KCNQ5: variants seen among roughly 807,000 people sequenced by gnomAD.
KCNQ5 encodes the protein potassium voltage-gated channel subfamily KQT member 5.
KCNQ5 carries 30 observed loss-of-function variants against 98.2 expected under a neutral mutation model. That is an observed-to-expected ratio of 0.31 (90% CI 0.23 to 0.41). The LOEUF is 0.41. KCNQ5 is among the 10% of genes least tolerant of loss of function. The pLI, the probability that KCNQ5 is intolerant of heterozygous loss-of-function variation, is 1.00. For synonymous variants in KCNQ5, 458 were observed against 449.4 expected, an observed-to-expected ratio of 1.02 and a Z score of -0.24; for missense variants, 835 against 1,182.5, an observed-to-expected ratio of 0.71 and a Z score of 4.31.
chr6:72,935,435 T>G (rs1052180374), intron 1 of KCNQ5, among the ~76,000 whole-genome samples: 1 of 152,134 alleles, frequency 6.6e-6, no homozygotes, highest in African/African-American at 2.4e-5. Context: ...ATAATCATGC[T>G]GACTGGTATC....
chr6:72,697,465 A>C (rs1019625448), intron 1 of KCNQ5, among the ~76,000 whole-genome samples: 1 of 152,166 alleles, frequency 6.6e-6, no homozygotes, highest in Non-Finnish European at 1.5e-5. Context: ...TAAACCTTAA[A>C]TTCTAGATTT....
chr6:72,930,676 C>T (rs1004611009), intron 1 of KCNQ5, among the ~76,000 whole-genome samples: 3 of 151,294 alleles, frequency 2.0e-5, no homozygotes, highest in Admixed American at 6.6e-5. Context: ...TGCACTACTG[C>T]GTGATAATGT....
At chr6:73,005,800 T>G (rs72945367) in intron 2 of KCNQ5, among the ~76,000 whole-genome samples, 1 of 152,222 alleles carries the variant, frequency 6.6e-6, no homozygotes. Flanking sequence ...GCTACAGATA[T>G]ATATTCGCAG....
chr6:72,691,672 T>A (rs1188027844), intron 1 of KCNQ5, among the ~76,000 whole-genome samples: 1 of 152,194 alleles, frequency 6.6e-6, no homozygotes, highest in East Asian at 1.9e-4. Context: ...AATCACTTTT[T>A]TGGTAACTGC....
chr6:73,052,339 C>G (rs1228913627), intron 3 of KCNQ5, among the ~76,000 whole-genome samples: 1 of 152,128 alleles, frequency 6.6e-6, no homozygotes, highest in African/African-American at 2.4e-5. Flanking sequence ...CATGAAAATT[C>G]CCCCAACTTC....
chr6:72,661,147 C>T (rs976653461), intron 1 of KCNQ5, among the ~76,000 whole-genome samples: 1 of 151,748 alleles, frequency 6.6e-6, no homozygotes. Flanking sequence ...ATATTTAACC[C>T]TCTTGTCGAG....
At chr6:72,971,299 C>T (rs1001703193) in intron 1 of KCNQ5, among the ~76,000 whole-genome samples, 25 of 152,152 alleles carry the variant, frequency 1.6e-4, no homozygotes, top group African/African-American at 5.8e-4. Context: ...CAATGAGATA[C>T]CATCTCACAC....
chr6:72,981,828 A>C (rs1768472615), intron 1 of KCNQ5, among the ~76,000 whole-genome samples: 2 of 152,142 alleles, frequency 1.3e-5, no homozygotes, highest in African/African-American at 4.8e-5. Context: ...ACACTGCTTT[A>C]AATGTGTCCC....
In KCNQ5 at chr6:73,196,031, T is replaced by G. The variant is rs991966248; in HGVS notation, c.*617T>G. On this transcript the variant is annotated 3_prime_UTR_variant, in exon 14 of 14. Transcript: ENST00000370398. ...GCAATTTTGCACATCATTTTCATGT[T>G]GTTCTTTATGACAAGAATGTTCTTC... 6.5e-6 allele frequency: 1 copy of G among 153,066 alleles called. No homozygotes were observed. Among genetic ancestry groups the G allele is most frequent in the African/African-American group, 2.4e-5 (1 of 41,462 alleles). The allele number at this position is 153,066 out of a possible 1,614,324, so 9.5% of individuals were successfully genotyped here. A position where few individuals can be genotyped will look rare whatever the true frequency, so the allele number is the denominator to read the frequency against.
chr6:73,193,170 G>A (rs928554615), intron 13 of KCNQ5, among the ~76,000 whole-genome samples: 16 of 151,740 alleles, frequency 1.1e-4, no homozygotes, highest in South Asian at 6.3e-4. Flanking sequence ...ACAGGCATGC[G>A]CCACCAAGAC....
chr6:72,973,086 A>G (rs1254110215), intron 1 of KCNQ5, among the ~76,000 whole-genome samples: 2 of 152,224 alleles, frequency 1.3e-5, no homozygotes, highest in African/African-American at 4.8e-5. Context: ...TAACAGAGGA[A>G]AACCATAGCC....
intron 1 of KCNQ5, among the ~76,000 whole-genome samples, chr6:72,855,193 T>A (rs908474086): frequency 6.6e-6 from 1 of 152,074 alleles, no homozygotes; most frequent in Non-Finnish European, 1.5e-5. Flanking sequence ...GTGGACCAAA[T>A]TTTTTTAAAC....
intron 1 of KCNQ5, among the ~76,000 whole-genome samples, chr6:72,726,534 G>C (rs1291967042): frequency 6.6e-6 from 1 of 152,048 alleles, no homozygotes; most frequent in Non-Finnish European, 1.5e-5. Context: ...TTTTAATATT[G>C]CCATATTCTC....
chr6:73,141,092 C>T (rs114380038), intron 10 of KCNQ5, among the ~76,000 whole-genome samples: 392 of 152,274 alleles, frequency 2.6e-3, no homozygotes, highest in African/African-American at 9.0e-3. Flanking sequence ...ACTAGGCAGC[C>T]TATAAACAAC....
chr6:72,866,711 A>G (rs1778002411), intron 1 of KCNQ5, among the ~76,000 whole-genome samples: 1 of 152,210 alleles, frequency 6.6e-6, no homozygotes, highest in South Asian at 2.1e-4. Flanking sequence ...TCCCTGCTAT[A>G]CATCCACATC....
chr6:72,701,924 G>A (rs1462462661), intron 1 of KCNQ5, among the ~76,000 whole-genome samples: 2 of 152,076 alleles, frequency 1.3e-5, no homozygotes, highest in East Asian at 3.9e-4. Context: ...CAGCTCCTGG[G>A]ATCAAGCAAT....
chr6:72,810,334 GAGA>G (rs556033241), intron 1 of KCNQ5, among the ~76,000 whole-genome samples: 2 of 152,174 alleles, frequency 1.3e-5, no homozygotes, highest in Non-Finnish European at 2.9e-5. Flanking sequence ...ATTCTATTGA[GAGA>G]AGAAGTGAGA....
intron 2 of KCNQ5, among the ~76,000 whole-genome samples, chr6:73,031,833 AC>A (rs564763546): frequency 2.8e-4 from 42 of 152,370 alleles, no homozygotes; most frequent in African/African-American, 9.9e-4. Flanking sequence ...CTCTGTAAAT[AC>A]CCTCAAGGAA....
chr6:72,684,606 A>T (rs1178527299), intron 1 of KCNQ5, among the ~76,000 whole-genome samples: 1 of 152,216 alleles, frequency 6.6e-6, no homozygotes, highest in Non-Finnish European at 1.5e-5. Context: ...TGGTCTGTCA[A>T]TCAAAAATTA....
Sources: gnomAD v4.1 joint callset for allele counts (sites outside exome capture counted in the v4.1 genomes callset) on GRCh38, gnomAD v4.1.1 for gene constraint, MANE v1.5 for transcripts, NCBI Gene and HGNC (gene_info 2026-07-23, HGNC 2026-07-21) for gene names.